The following AKAP13 variants were observed in gnomAD, a reference collection of about 807,000 sequenced individuals.
AKAP13 encodes the protein A-kinase anchor protein 13.
Under a neutral mutation model 264.5 loss-of-function variants are expected in AKAP13, and 80 were observed. The observed-to-expected ratio is 0.30, with a 90% CI of 0.25 to 0.36. The LOEUF (loss-of-function observed/expected upper bound fraction) is 0.36, where lower values mean the gene tolerates loss of function less well. Ranked by LOEUF, AKAP13 falls within the 10% of genes least tolerant of loss-of-function variation. The pLI, the probability that AKAP13 is intolerant of heterozygous loss-of-function variation, is 1.00. For synonymous variants in AKAP13, 1,380 were observed against 1,250.2 expected (o/e 1.10, Z -2.19); for missense variants, 3,712 against 3,435.2 (o/e 1.08, Z -2.01).
At chr15:85,674,470 A>G (rs895355875) in intron 14 of AKAP13, among the ~76,000 whole-genome samples, 3 of 152,224 alleles carry the variant, frequency 2.0e-5, no homozygotes, top group Non-Finnish European at 4.4e-5. Context: ...TCTGACCCCA[A>G]GCATTTCAGA....
rs1303189479 is a variant in AKAP13, at chr15:85,745,208, G to GC, written c.*536dup. 2 of 152,724 alleles carry GC rather than the reference G, an allele frequency of 1.3e-5. No individual in the cohort carries two copies. The highest frequency in any genetic ancestry group is 2.9e-5 in the Non-Finnish European group (2 of 68,436). 9.5% of individuals were successfully genotyped at this position (152,724 alleles called of 1,614,324 possible). Reference sequence around the variant, plus strand: ...AGGGCAGTGCCTGGACGGACCCGGAGCCCCCGCATATCAGCAGTTCACCCA... The same window carrying GC: ...AGGGCAGTGCCTGGACGGACCCGGAGCCCCCCGCATATCAGCAGTTCACCCA... On this transcript the variant is annotated 3_prime_UTR_variant, in exon 37 of 37. Coordinates refer to ENST00000394518, the MANE Select transcript of AKAP13 (RefSeq NM_007200.5).
At chr15:85,702,198 G>A (rs2085958545) in intron 17 of AKAP13, 1 of 152,130 alleles carries the variant, frequency 6.6e-6, no homozygotes, top group South Asian at 2.1e-4. Flanking sequence ...GTCAGCCAAA[G>A]ATCGCGCCAT....
Position 85,581,020 on chromosome 15 carries a change from G to A in AKAP13, c.2952G>A (p.Pro984=), listed in dbSNP as rs201078519. ...KDKALQLSNS[P]GASSAFLKAE... ...AAGCACTTCAGCTAAGTAATTCACC[G>A]GGTGCATCCTCTGCCTTTCTTAAGG... Residue 984 remains proline (P), a synonymous_variant, in exon 7 of 37, where the codon CCG becomes CCA. Transcript: ENST00000394518. 9.9e-6 allele frequency: 16 copies of A among 1,613,696 alleles called. No homozygotes were observed. The highest frequency in any genetic ancestry group is 5.3e-5 in the African/African-American group (4 of 75,002).
At chr15:85,397,559 T>C (rs957261437) in intron 1 of AKAP13, among the ~76,000 whole-genome samples, 1 of 152,208 alleles carries the variant, frequency 6.6e-6, no homozygotes, top group Non-Finnish European at 1.5e-5. Flanking sequence ...TTCACTAATA[T>C]AATAGCTGTC....
intron 8 of AKAP13, among the ~76,000 whole-genome samples, chr15:85,590,122 G>GGA (rs1383714122): frequency 6.6e-6 from 1 of 152,086 alleles, no homozygotes; most frequent in Non-Finnish European, 1.5e-5. Context: ...GTGTGCCTTG[G>GGA]GAATAGGCCA....
intron 5 of AKAP13, among the ~76,000 whole-genome samples, chr15:85,562,501 G>A (rs576201541): frequency 2.0e-5 from 3 of 147,264 alleles, no homozygotes; most frequent in East Asian, 4.1e-4. Flanking sequence ...GAAGGTGGTG[G>A]TTGCAGTGAG....
intron 2 of AKAP13, among the ~76,000 whole-genome samples, chr15:85,514,331 C>T (rs1222716035): frequency 7.2e-6 from 1 of 138,260 alleles, no homozygotes; most frequent in Non-Finnish European, 1.5e-5. Flanking sequence ...TAATTTATTG[C>T]TGTTCTTGAT....
intron 8 of AKAP13, among the ~76,000 whole-genome samples, chr15:85,596,968 T>C (rs923887700): frequency 2.0e-5 from 3 of 152,156 alleles, no homozygotes; most frequent in Non-Finnish European, 4.4e-5. Flanking sequence ...TAGTTAAAAA[T>C]TATGAATTAT....
intron 1 of AKAP13, among the ~76,000 whole-genome samples, chr15:85,402,627 A>G (rs1260424487): frequency 6.6e-6 from 1 of 152,206 alleles, no homozygotes; most frequent in Non-Finnish European, 1.5e-5. Flanking sequence ...GCAAAGAATC[A>G]TACTCCTTGC....
intron 1 of AKAP13, among the ~76,000 whole-genome samples, chr15:85,404,404 C>T (rs1430208285): frequency 6.6e-6 from 1 of 152,242 alleles, no homozygotes; most frequent in Admixed American, 6.5e-5. Context: ...ACTGTTCTCT[C>T]ACTGTGGTGA....
intron 31 of AKAP13, 122 bp downstream of exon 31, chr15:85,735,272 T>G (rs2088365087): frequency 7.8e-7 from 1 of 1,280,042 alleles, no homozygotes. Context: ...TAGTGAGATT[T>G]CAAGACACTC....
At chr15:85,443,132 C>A (rs920312366) in intron 1 of AKAP13, among the ~76,000 whole-genome samples, 24 of 151,804 alleles carry the variant, frequency 1.6e-4, no homozygotes, top group Admixed American at 1.6e-3. Flanking sequence ...AGTTCTCCCC[C>A]CACCCCCCAA....
At chr15:85,508,903 GC>G (rs1438328820) in intron 2 of AKAP13, among the ~76,000 whole-genome samples, 1 of 151,986 alleles carries the variant, frequency 6.6e-6, no homozygotes, top group East Asian at 1.9e-4. Context: ...GCTCAAATTT[GC>G]CTTCCTTGGA....
At chr15:85,562,957 A>G (rs970064554) in intron 5 of AKAP13, among the ~76,000 whole-genome samples, 2 of 150,016 alleles carry the variant, frequency 1.3e-5, no homozygotes, top group Non-Finnish European at 3.0e-5. Context: ...CAGGTGATCC[A>G]CCTGCTTCGG....
At chr15:85,744,074 G>A in intron 36 of AKAP13, 1 of 500,374 alleles carries the variant, frequency 2.0e-6, no homozygotes, top group Non-Finnish European at 3.5e-6. Flanking sequence ...ATCCGATCGA[G>A]GAACTGGAGC....
At chr15:85,451,111 C>T (rs535362647) in intron 1 of AKAP13, among the ~76,000 whole-genome samples, 9 of 152,262 alleles carry the variant, frequency 5.9e-5, no homozygotes, top group African/African-American at 2.2e-4. Flanking sequence ...TATCCCATGC[C>T]CTTCCTTGTC....
chr15:85,456,653 C>G (rs2074291851), intron 1 of AKAP13, among the ~76,000 whole-genome samples: 1 of 151,484 alleles, frequency 6.6e-6, no homozygotes, highest in African/African-American at 2.4e-5. Context: ...CGGGTTCACA[C>G]CATTCTTCTG....
chr15:85,726,606 C>T (rs1204503271), intron 27 of AKAP13, 120 bp downstream of exon 27: 2 of 814,110 alleles, frequency 2.5e-6, no homozygotes, highest in Admixed American at 3.0e-5. Context: ...GGACAAATTC[C>T]TCTGAGTAAT....
intron 1 of AKAP13, among the ~76,000 whole-genome samples, chr15:85,389,486 G>T (rs1039973192): frequency 6.6e-6 from 1 of 152,224 alleles, no homozygotes; most frequent in African/African-American, 2.4e-5. Flanking sequence ...CACTTTTCTA[G>T]TAGTTAGGGA....
Sources: allele counts gnomAD v4.1 joint callset (sites outside exome capture counted in the v4.1 genomes callset), GRCh38; gene constraint gnomAD v4.1.1; transcripts MANE v1.5; gene names NCBI Gene and HGNC (gene_info 2026-07-23, HGNC 2026-07-21).